NBPF11: variants seen among roughly 807,000 people sequenced by gnomAD.
NBPF11 encodes the protein NBPF family member NBPF11.
In NBPF11, 72 loss-of-function variants were observed where a neutral mutation model predicts 93.9. The observed-to-expected ratio is 0.77, with a 90% CI of 0.63 to 0.93. The LOEUF (loss-of-function observed/expected upper bound fraction) is 0.93, where lower values mean the gene tolerates loss of function less well. NBPF11 is among the 40% of genes least tolerant of loss of function. The probability of loss-of-function intolerance (pLI) is 0.00; values close to 1 mark genes in which losing one functional copy is unlikely to be tolerated. For synonymous variants in NBPF11, 224 were observed against 304.9 expected, an observed-to-expected ratio of 0.73 and a Z score of 2.76; for missense variants, 705 against 802.2, an observed-to-expected ratio of 0.88 and a Z score of 1.46.
At chr1:148,111,074 G>A (rs1292736637) in intron 15 of NBPF11, among the ~76,000 whole-genome samples, 2 of 151,580 alleles carry the variant, frequency 1.3e-5, no homozygotes, top group East Asian at 3.9e-4. Flanking sequence ...TAAACACATG[G>A]GAGAGAATAG....
intron 4 of NBPF11, among the ~76,000 whole-genome samples, chr1:148,133,444 C>T (rs1398103555): frequency 2.0e-5 from 3 of 152,110 alleles, no homozygotes; most frequent in Non-Finnish European, 4.4e-5. Flanking sequence ...ATAATGTTAC[C>T]TGTGGGTTCT....
At chr1:148,149,133 G>A (rs1388885393) in intron 1 of NBPF11, 72,256 of 1,579,790 alleles carry the variant, frequency 0.046, 1,970 homozygotes, top group Middle Eastern at 0.078. Context: ...GTTGGAGGCC[G>A]CGGCTGACCC....
chr1:148,113,133 T>C (rs1387367731), intron 15 of NBPF11, among the ~76,000 whole-genome samples: 3 of 151,940 alleles, frequency 2.0e-5, no homozygotes, highest in African/African-American at 7.3e-5. Flanking sequence ...TAACCTTAAA[T>C]GTAAAGGGGC....
chr1:148,148,106 A>G (rs1193857036), intron 1 of NBPF11, among the ~76,000 whole-genome samples: 2 of 152,174 alleles, frequency 1.3e-5, no homozygotes, highest in Non-Finnish European at 2.9e-5. Flanking sequence ...CATGGCTGCC[A>G]GGGAGCAGGC....
chr1:148,140,364 A>C (rs1671982390), intron 2 of NBPF11, among the ~76,000 whole-genome samples: 2 of 151,816 alleles, frequency 1.3e-5, no homozygotes, highest in Non-Finnish European at 2.9e-5. Flanking sequence ...GGGTTCAATG[A>C]TGGCTTCTTA....
intron 2 of NBPF11, among the ~76,000 whole-genome samples, chr1:148,142,967 A>G (rs1283565514): frequency 2.6e-4 from 40 of 152,126 alleles, no homozygotes; most frequent in African/African-American, 9.4e-4. Context: ...AACCACACAC[A>G]TCTCCCCACC....
intron 1 of NBPF11, chr1:148,146,400 C>T (rs1673083707): frequency 1.8e-5 from 29 of 1,597,772 alleles, no homozygotes; most frequent in Non-Finnish European, 2.4e-5. Context: ...CCGCCATGAA[C>T]GGGCTGTCGC....
In NBPF11 at chr1:148,120,660, C is replaced by T. The variant is rs1418537629; in HGVS notation, c.829G>A (p.Gly277Ser). Residue 277 changes from glycine to serine, a missense_variant, in exon 10 of 24, where the codon GGC becomes AGC. Gly to Ser is a moderately conservative substitution (Grantham distance 56). Around this residue, in one of 12 missense-constraint regions of NBPF11, gnomAD observed 262 missense variants for 223.1 expected, o/e 1.17. Transcript: ENST00000682118. Reference protein sequence around the residue: ...ATNVSMVVSAGPLSSEKAEMN... With the variant: ...ATNVSMVVSASPLSSEKAEMN... The stretch of plus-strand genomic sequence containing the variant: ...TCTGCCTTCTCGCTGGACAAAGGGC[C>T]GGCTGATACCACCATGCTGACGTTT... 48 of 1,535,716 alleles carry T rather than the reference C, an allele frequency of 3.1e-5. No homozygotes were observed. The highest frequency in any genetic ancestry group is 2.9e-4 in the South Asian group (26 of 89,512).
intron 9 of NBPF11, among the ~76,000 whole-genome samples, chr1:148,121,020 G>C (rs1558143548): frequency 6.6e-6 from 1 of 151,918 alleles, no homozygotes; most frequent in Non-Finnish European, 1.5e-5. Context: ...ATTTCATTTT[G>C]CTTTTTAAAT....
At chr1:148,138,768 A>C (rs1176370486) in intron 2 of NBPF11, among the ~76,000 whole-genome samples, 1 of 151,832 alleles carries the variant, frequency 6.6e-6, no homozygotes, top group African/African-American at 2.4e-5. Flanking sequence ...TCCTACACAG[A>C]CACAGTAACA....
rs1164740559 is a variant in NBPF11, at chr1:148,108,543, G to T, written c.1965C>A (p.Pro655=). The change falls in exon 18 of 24, where the codon CCC becomes CCA. Residue 655 remains proline (P), a synonymous_variant. Coordinates refer to ENST00000682118, the MANE Select transcript of NBPF11 (RefSeq NM_001385469.3). ...CCAATACGTAAAAGGCACTTCTGTA[G>T]GGCTGGCATGAGTCAGTCAGTCCAA... The part of the protein sequence containing the change: ...VYLGLTDSCQ[P]YRSAFYVLEQ... The T allele has an allele frequency of 1.6e-5, 26 of 1,603,154 alleles. No homozygotes were observed. The Admixed American group carries it at 1.8e-4, about 11-fold the overall frequency.
chr1:148,141,402 G>GC (rs1672148773), intron 2 of NBPF11, among the ~76,000 whole-genome samples: 1 of 152,054 alleles, frequency 6.6e-6, no homozygotes, highest in South Asian at 2.1e-4. Context: ...GGACAGGGGA[G>GC]CCTAGGAGAA....
At chr1:148,119,317 C>A (rs1377086964) in intron 10 of NBPF11, among the ~76,000 whole-genome samples, 4 of 150,632 alleles carry the variant, frequency 2.7e-5, no homozygotes, top group Non-Finnish European at 4.4e-5. Flanking sequence ...AATTTAGAAA[C>A]AGCAGAATGA....
chr1:148,143,806 G>C (rs1344761858), intron 1 of NBPF11, 120 bp from the exon 2 acceptor site: 1 of 152,582 alleles, frequency 6.6e-6, no homozygotes, highest in Non-Finnish European at 1.5e-5. Context: ...ATTGAAAGGT[G>C]GTGGGGAACT....
At chr1:148,124,109 T>G in intron 6 of NBPF11, 42 bp from the exon 7 acceptor site, 1 of 1,609,212 alleles carries the variant, frequency 6.2e-7, no homozygotes, top group South Asian at 1.1e-5. Context: ...TGAAAAGCAT[T>G]GAGTGATCCG....
chr1:148,106,621 A>G (rs1184431165), intron 20 of NBPF11, among the ~76,000 whole-genome samples: 2 of 143,474 alleles, frequency 1.4e-5, no homozygotes, highest in African/African-American at 5.5e-5. Flanking sequence ...TGAAATTACA[A>G]TGAAGGAGGA....
chr1:148,132,239 T>TTG (rs201393438), intron 4 of NBPF11, among the ~76,000 whole-genome samples: 1,911 of 138,244 alleles, frequency 0.014, 50 homozygotes, highest in African/African-American at 0.049. Flanking sequence ...ACACACATGT[T>TTG]TGTGTGTGTG....
At chr1:148,148,897 C>T (rs1448913128) in intron 1 of NBPF11, among the ~76,000 whole-genome samples, 3 of 151,492 alleles carry the variant, frequency 2.0e-5, no homozygotes, top group African/African-American at 4.9e-5. Flanking sequence ...ACTCCGTAGG[C>T]AGGATCCCTG....
chr1:148,125,971 G>A (rs1475783751), intron 5 of NBPF11, among the ~76,000 whole-genome samples: 2,116 of 151,982 alleles, frequency 0.014, 79 homozygotes, highest in African/African-American at 0.049. Context: ...GGTACTCTCT[G>A]CTTTTTATTT....
Sources: allele counts gnomAD v4.1 joint callset (sites outside exome capture counted in the v4.1 genomes callset), GRCh38; gene constraint gnomAD v4.1.1; regional missense constraint gnomAD v4.1.1; transcripts MANE v1.5; gene names NCBI Gene and HGNC (gene_info 2026-07-23, HGNC 2026-07-21).